ATF5: variants seen among roughly 807,000 people sequenced by gnomAD.
ATF5 encodes the protein activating transcription factor 5.
A neutral mutation model predicts 4.6 loss-of-function variants in ATF5; 6 were observed. The ratio of observed to expected loss-of-function variants is 1.31; its 90% confidence interval spans 0.72 to 2.59. The LOEUF (loss-of-function observed/expected upper bound fraction) is 2.59, where lower values mean the gene tolerates loss of function less well. Among genes scored for constraint, ATF5 ranks in the 30% most tolerant of loss-of-function variants. The pLI is 0.00. For synonymous variants in ATF5, 193 were observed against 165.0 expected, an observed-to-expected ratio of 1.17 and a Z score of -1.30; for missense variants, 410 against 368.7, an observed-to-expected ratio of 1.11 and a Z score of -0.92.
At chr19:49,930,230 G>A (rs1227966663) in intron 1 of ATF5, 1 of 152,192 alleles carries the variant, frequency 6.6e-6, no homozygotes, top group African/African-American at 2.4e-5. Flanking sequence ...GCAGAGCGAG[G>A]AGTGGGATTT....
intron 2 of ATF5, chr19:49,931,310 A>T (rs574470076): frequency 1.3e-4 from 54 of 400,710 alleles, no homozygotes; most frequent in African/African-American, 1.1e-3. Context: ...CTAATATAGA[A>T]TGGGTAGCCA....
At position 49,933,363 on chromosome 19, in the gene ATF5, T is replaced by A. The variant is rs1018726520; in HGVS notation, c.*271T>A. The A allele has an allele frequency of 2.7e-6, 1 of 371,368 alleles. No individual in the cohort carries two copies. The highest frequency in any genetic ancestry group is 4.8e-6 in the Non-Finnish European group (1 of 207,056). The allele number at this position is 371,368 out of a possible 1,614,324, so 23.0% of individuals were successfully genotyped here. A position where few individuals can be genotyped will look rare whatever the true frequency, so the allele number is the denominator to read the frequency against. ...CAACTCCTCTCTACTCTTATCCTTT[T>A]ATCCTCTGTCTCTGCTTATCACCTC... On this transcript the variant is annotated 3_prime_UTR_variant, in exon 3 of 3. Coordinates refer to ENST00000423777, the MANE Select transcript of ATF5 (RefSeq NM_001193646.2).
In ATF5 at chr19:49,932,438, C is replaced by T. The variant is rs1217111829; in HGVS notation, c.195C>T (p.Asp65=). ...TAATCCCAGGTGATGGCTTCTCTGA[C>T]TGGATGACTGAGCGAGTTGATTTCA... ...GEPLAGDGFS[D]WMTERVDFTA... Residue 65 remains aspartate (D), a synonymous_variant, in exon 3 of 3, where the codon GAC becomes GAT. Coordinates refer to ENST00000423777, the MANE Select transcript of ATF5 (RefSeq NM_001193646.2). 3.1e-6 allele frequency: 5 copies of T among 1,613,976 alleles called. No homozygotes were observed. The highest frequency in any genetic ancestry group is 4.2e-6 in the Non-Finnish European group (5 of 1,180,024).
rs752773424 is a variant in ATF5 at position 49,932,556 on chromosome 19, C to T, written c.313C>T (p.Leu105Phe). 1 of 1,607,404 alleles carries T rather than the reference C, an allele frequency of 6.2e-7. No homozygotes were observed. Among genetic ancestry groups the T allele is most frequent in the Admixed American group, 1.7e-5 (1 of 59,598 alleles). Residue 105 changes from leucine to phenylalanine, a missense_variant, in exon 3 of 3, where the codon CTC (leucine) becomes TTC (phenylalanine). Leu to Phe is a conservative substitution (Grantham distance 22, BLOSUM62 0). Transcript: ENST00000423777. ...PPDLEAMASLLKKELEQMEDF... is the reference protein window; with the variant it reads ...PPDLEAMASLFKKELEQMEDF... ...TGACCTGGAAGCTATGGCCTCCCTC[C>T]TCAAGAAGGAGCTGGAACAGATGGA...
chr19:49,929,173 A>G (rs999348086), upstream of ATF5: 1 of 144,114 alleles, frequency 6.9e-6, no homozygotes, highest in African/African-American at 2.5e-5. Context: ...GCCACCCAGT[A>G]TATATCTGTC....
rs778348707 is a variant in ATF5 at position 49,933,108 on chromosome 19, G to A, written c.*16G>A. ...TAGCTGCTAGAAGGGCAGGGGTGTGGCTTCTGGGGGCTGGTCTTCAGCTCT... is the reference window on the plus strand; with the variant it reads ...TAGCTGCTAGAAGGGCAGGGGTGTGACTTCTGGGGGCTGGTCTTCAGCTCT... On this transcript the variant is annotated 3_prime_UTR_variant, in exon 3 of 3. Transcript: ENST00000423777. 1.9e-6 allele frequency: 3 copies of A among 1,556,064 alleles called. No homozygotes were observed. The highest frequency in any genetic ancestry group is 2.3e-5 in the East Asian group (1 of 44,152).
chr19:49,933,078 A>T lies in ATF5; in HGVS notation c.835A>T (p.Thr279Ser), dbSNP rs944129873. The change falls in exon 3 of 3, where the codon ACC becomes TCC. Residue 279 changes from threonine to serine, a missense_variant. By Grantham distance (58) the Thr-to-Ser change is moderately conservative. Transcript: ENST00000423777. ...GGTTTACAAGGCCCGGAGCCAGAGG[A>T]CCCGTAGCTGCTAGAAGGGCAGGGG... ...IEVYKARSQRTRSC is the reference protein window; with the variant it reads ...IEVYKARSQRSRSC 1.9e-6 allele frequency: 3 copies of T among 1,590,970 alleles called. No homozygotes were observed. The African/African-American group carries it at 4.0e-5, about 21-fold the overall frequency.
Position 49,930,755 on chromosome 19 carries a change from C to G in ATF5, c.-96C>G. On this transcript the variant is annotated 5_prime_UTR_variant, in exon 2 of 3. Transcript: ENST00000423777. ...AGGTCTTCCACTTTCGCCTTGGTGC[C>G]TGTCTTCGCCCACCTGAGCATCCTC... is the stretch of plus-strand genomic sequence containing the variant. 9.0e-7 allele frequency: 1 copy of G among 1,105,444 alleles called. No homozygotes were observed. 68.5% of individuals were successfully genotyped at this position (1,105,444 alleles called of 1,614,324 possible).
intron 2 of ATF5, among the ~76,000 whole-genome samples, chr19:49,931,455 G>A (rs1379748643): frequency 6.6e-6 from 1 of 152,004 alleles, no homozygotes; most frequent in Non-Finnish European, 1.5e-5. Context: ...AGTTCAGGAC[G>A]TGGGCAACAT....
Position 49,933,826 on chromosome 19 carries a change from T to A in ATF5, c.*734T>A, listed in dbSNP as rs1600595102. 1.3e-5 allele frequency: 2 copies of A among 152,844 alleles called. No individual in the cohort carries two copies. The highest frequency in any genetic ancestry group is 2.1e-4 in the South Asian group (1 of 4,812). 9.5% of individuals were successfully genotyped at this position (152,844 alleles called of 1,614,324 possible). On this transcript the variant is annotated 3_prime_UTR_variant, in exon 3 of 3. Coordinates refer to ENST00000423777, the MANE Select transcript of ATF5 (RefSeq NM_001193646.2). ...TTCATTTTAGCTCTAAGAAAAAAAA[T>A]CAGTGTTTCGTGAAGGTGTTGGAGA...
rs766372540 is a variant in ATF5, at chr19:49,933,062, G to C, written c.819G>C (p.Lys273Asn). The C allele has an allele frequency of 6.2e-7, 1 of 1,601,340 alleles. No homozygotes were observed. Among genetic ancestry groups the C allele is most frequent in the African/African-American group, 1.3e-5 (1 of 74,666 alleles). The change falls in exon 3 of 3, where the codon AAG becomes AAC. Residue 273 changes from lysine to asparagine, a missense_variant. Coordinates refer to ENST00000423777, the MANE Select transcript of ATF5 (RefSeq NM_001193646.2). ...AGGACCTGCTCATCGAGGTTTACAA[G>C]GCCCGGAGCCAGAGGACCCGTAGCT... The part of the protein sequence containing the change: ...YVKDLLIEVY[K>N]ARSQRTRSC
chr19:49,930,318 C>T (rs764281815), intron 1 of ATF5: 1 of 151,824 alleles, frequency 6.6e-6, no homozygotes, highest in Non-Finnish European at 1.5e-5. Context: ...GCTAGGAAGG[C>T]AGTGGGGCCA....
intron 2 of ATF5, among the ~76,000 whole-genome samples, chr19:49,932,146 G>A (rs928693310): frequency 4.6e-5 from 7 of 151,958 alleles, no homozygotes; most frequent in Non-Finnish European, 7.4e-5. Context: ...TTGGTTGACC[G>A]ATTCCCTGAT....
intron 2 of ATF5, 82 bp downstream of exon 2, chr19:49,931,110 A>T: frequency 4.1e-6 from 5 of 1,215,878 alleles, no homozygotes; most frequent in Non-Finnish European, 5.6e-6. Context: ...GTATTCAATA[A>T]ATATTGAGTG....
chr19:49,932,944 A>G lies in ATF5; in HGVS notation c.701A>G (p.Glu234Gly), dbSNP rs572326446. The G allele has an allele frequency of 6.7e-5, 108 of 1,613,990 alleles. 2 individuals are homozygous for G. In the South Asian group the frequency reaches 1.1e-3, roughly 17 times the overall value. ...CGCCAGCGGAAGCGGGCAGAGGGTG[A>G]GGCCCTGGAGGGCGAGTGCCAGGGG... ...RYRQRKRAEG[E>G]ALEGECQGLE... Residue 234 changes from glutamate to glycine, a missense_variant, in exon 3 of 3, where the codon GAG becomes GGG. Glu to Gly is a moderately conservative substitution (Grantham distance 98). Coordinates refer to ENST00000423777, the MANE Select transcript of ATF5 (RefSeq NM_001193646.2).
chr19:49,930,829 G>T lies in ATF5; in HGVS notation c.-22G>T. 1 of 1,550,316 alleles carries T rather than the reference G, an allele frequency of 6.5e-7. No individual in the cohort carries two copies. On this transcript the variant is annotated 5_prime_UTR_variant, in exon 2 of 3. Coordinates refer to ENST00000423777, the MANE Select transcript of ATF5 (RefSeq NM_001193646.2). ...TGCAGCCTCTCCTGTTGCCATCAGTGCCCAGCACCTGTGCTACAGCCATGT... is the reference window on the plus strand; with the variant it reads ...TGCAGCCTCTCCTGTTGCCATCAGTTCCCAGCACCTGTGCTACAGCCATGT...
intron 1 of ATF5, 186 bp downstream of exon 1, chr19:49,929,586 A>C (rs1051620574): frequency 6.6e-6 from 1 of 151,742 alleles, no homozygotes; most frequent in African/African-American, 2.4e-5. Flanking sequence ...GCCGGGTGGG[A>C]GAGTTCTAGA....
chr19:49,932,151 C>A (rs1047023274), intron 2 of ATF5, among the ~76,000 whole-genome samples: 4 of 151,364 alleles, frequency 2.6e-5, no homozygotes, highest in African/African-American at 9.7e-5. Flanking sequence ...TGACCGATTC[C>A]CTGATTGATT....
At position 49,930,941 on chromosome 19, in the gene ATF5, C is replaced by T. The variant is rs1385201416; in HGVS notation, c.91C>T (p.Pro31Ser). ...ATGGCTCGTAGACTATGGGAAACTC[C>T]CCCCGGCCCCTGCCCCCCTGGCTCC... Reference protein sequence around the residue: ...LGWLVDYGKLPPAPAPLAPYE... With the variant: ...LGWLVDYGKLSPAPAPLAPYE... Residue 31 changes from proline to serine, a missense_variant, in exon 2 of 3, where the codon CCC (proline) becomes TCC (serine). Transcript: ENST00000423777. 5 of 1,605,500 alleles carry T rather than the reference C, an allele frequency of 3.1e-6. No homozygotes were observed. Among genetic ancestry groups the T allele is most frequent in the East Asian group, 2.2e-5 (1 of 44,540 alleles).
Sources: gnomAD v4.1 joint callset for allele counts (sites outside exome capture counted in the v4.1 genomes callset) on GRCh38, gnomAD v4.1.1 for gene constraint, MANE v1.5 for transcripts, NCBI Gene and HGNC (gene_info 2026-07-23, HGNC 2026-07-21) for gene names.